The following RALYL variants were observed in gnomAD, a reference collection of about 807,000 sequenced individuals.
RALYL encodes RALY RNA binding protein like.
Under a neutral mutation model 35.1 loss-of-function variants are expected in RALYL, and 29 were observed. The observed-to-expected ratio is 0.83, with a 90% CI of 0.61 to 1.13. The LOEUF (loss-of-function observed/expected upper bound fraction) is 1.13, where lower values mean the gene tolerates loss of function less well. Among genes scored for constraint, RALYL ranks in the 50% most tolerant of loss-of-function variants. The pLI is 0.00. For synonymous variants in RALYL, 120 were observed against 127.6 expected, an observed-to-expected ratio of 0.94 and a Z score of 0.40; for missense variants, 359 against 360.4, an observed-to-expected ratio of 1.00 and a Z score of 0.03.
chr8:84,329,708 A>G (rs1373907019), intron 1 of RALYL, among the ~76,000 whole-genome samples: 2 of 152,136 alleles, frequency 1.3e-5, no homozygotes, highest in Admixed American at 1.3e-4. Flanking sequence ...AATGAAATAT[A>G]AAGCACTGTG....
intron 1 of RALYL, among the ~76,000 whole-genome samples, chr8:84,303,119 A>G (rs1196192841): frequency 6.6e-6 from 1 of 152,222 alleles, no homozygotes; most frequent in Non-Finnish European, 1.5e-5. Flanking sequence ...ATCTCTCACT[A>G]GACTATTTAT....
chr8:84,377,547 G>T (rs16912738), intron 1 of RALYL, among the ~76,000 whole-genome samples: 25,482 of 135,852 alleles, frequency 0.19, 3,157 homozygotes, highest in African/African-American at 0.38. Context: ...AATTAAAAAT[G>T]TATGCTTATT....
chr8:84,543,018 A>G (rs2060119378), intron 2 of RALYL, among the ~76,000 whole-genome samples: 1 of 152,194 alleles, frequency 6.6e-6, no homozygotes. Flanking sequence ...CATTTGTCCT[A>G]TATAATTGTA....
At chr8:84,856,879 T>G (rs1448133354) in intron 5 of RALYL, among the ~76,000 whole-genome samples, 2 of 150,456 alleles carry the variant, frequency 1.3e-5, no homozygotes, top group African/African-American at 4.9e-5. Context: ...ATACAAAAAA[T>G]TAGCCGGGCG....
chr8:84,488,359 T>C (rs1384375266), intron 1 of RALYL, among the ~76,000 whole-genome samples: 1 of 152,060 alleles, frequency 6.6e-6, no homozygotes, highest in African/African-American at 2.4e-5. Context: ...TTGCTGTTTG[T>C]AGGCTTTCTT....
intron 6 of RALYL, 164 bp from the exon 7 acceptor site, chr8:84,873,120 T>C: frequency 2.2e-6 from 1 of 450,392 alleles, no homozygotes; most frequent in Non-Finnish European, 4.0e-6. Flanking sequence ...AATCATCCAG[T>C]ATTCCAGGAT....
chr8:84,187,045 G>GA (rs112799994), intron 1 of RALYL, among the ~76,000 whole-genome samples: 1 of 151,786 alleles, frequency 6.6e-6, no homozygotes, highest in African/African-American at 2.4e-5. Context: ...GAGAAGGAGG[G>GA]AAAAAAAAGT....
intron 1 of RALYL, among the ~76,000 whole-genome samples, chr8:84,277,720 C>T (rs796767700): frequency 9.2e-5 from 14 of 152,336 alleles, no homozygotes; most frequent in African/African-American, 2.9e-4. Context: ...TTACAGGCCT[C>T]ATGCCAAGTC....
chr8:84,441,745 C>G (rs1169944311), intron 1 of RALYL, among the ~76,000 whole-genome samples: 1 of 152,026 alleles, frequency 6.6e-6, no homozygotes, highest in Non-Finnish European at 1.5e-5. Context: ...ATTTAAGTAT[C>G]AATAATGTTT....
chr8:84,708,640 TC>T (rs1288749269), intron 2 of RALYL, among the ~76,000 whole-genome samples: 1 of 152,146 alleles, frequency 6.6e-6, no homozygotes, highest in African/African-American at 2.4e-5. Flanking sequence ...AACTTTTGAG[TC>T]CATTTAAATA....
chr8:84,562,649 CT>C (rs2061537110), intron 2 of RALYL, among the ~76,000 whole-genome samples: 1 of 142,726 alleles, frequency 7.0e-6, no homozygotes, highest in Non-Finnish European at 1.5e-5. Context: ...CCACTTTTGC[CT>C]TTAAAAATCA....
rs1214233825 is a variant in RALYL at position 84,774,576 on chromosome 8, C to T, written c.257-3C>T. On this transcript the variant is annotated splice_polypyrimidine_tract_variant and splice_region_variant and intron_variant, in intron 2 of 8. Transcript: ENST00000521268. ...TCAGTACTGTTTTATTTTATGCTTT[C>T]AGATATCAACATGGCAGGAGAGCCC... is the stretch of plus-strand genomic sequence containing the variant. 3.1e-6 allele frequency: 5 copies of T among 1,593,678 alleles called. No homozygotes were observed. The highest frequency in any genetic ancestry group is 4.3e-6 in the Non-Finnish European group (5 of 1,166,944).
chr8:84,362,816 G>T (rs1433826038), intron 1 of RALYL, among the ~76,000 whole-genome samples: 1 of 152,068 alleles, frequency 6.6e-6, no homozygotes, highest in Non-Finnish European at 1.5e-5. Context: ...CAGGATTTGA[G>T]AATATATTGA....
intron 2 of RALYL, among the ~76,000 whole-genome samples, chr8:84,578,699 G>A (rs1320515675): frequency 1.3e-5 from 2 of 152,172 alleles, no homozygotes; most frequent in Non-Finnish European, 2.9e-5. Flanking sequence ...CCAGCTCTCA[G>A]TGGAGAGATG....
At chr8:84,735,341 C>A (rs1166973315) in intron 2 of RALYL, among the ~76,000 whole-genome samples, 3 of 152,032 alleles carry the variant, frequency 2.0e-5, no homozygotes, top group Admixed American at 2.0e-4. Flanking sequence ...ATCCAACTAA[C>A]AATTTAGTAT....
chr8:84,249,082 G>T (rs191591213), intron 1 of RALYL, among the ~76,000 whole-genome samples: 1 of 152,054 alleles, frequency 6.6e-6, no homozygotes, highest in African/African-American at 2.4e-5. Flanking sequence ...ATTTTAAAAA[G>T]AACTGTGTTG....
chr8:84,630,161 C>T (rs527263910), intron 2 of RALYL, among the ~76,000 whole-genome samples: 1 of 152,084 alleles, frequency 6.6e-6, no homozygotes, highest in Admixed American at 6.6e-5. Flanking sequence ...AAGATAGACT[C>T]TTAATTGGAA....
At chr8:84,432,008 G>A (rs2047196791) in intron 1 of RALYL, among the ~76,000 whole-genome samples, 1 of 152,092 alleles carries the variant, frequency 6.6e-6, no homozygotes, top group Non-Finnish European at 1.5e-5. Flanking sequence ...TAGCAGCTAT[G>A]GAAAATAGCA....
At chr8:84,403,132 T>G (rs2043090143) in intron 1 of RALYL, among the ~76,000 whole-genome samples, 1 of 152,162 alleles carries the variant, frequency 6.6e-6, no homozygotes, top group Non-Finnish European at 1.5e-5. Context: ...TCTGATAGTT[T>G]CTTTTTGCTG....
Sources: allele counts gnomAD v4.1 joint callset (sites outside exome capture counted in the v4.1 genomes callset), GRCh38; gene constraint gnomAD v4.1.1; transcripts MANE v1.5; gene names NCBI Gene and HGNC (gene_info 2026-07-23, HGNC 2026-07-21).